Variants in PDE4D observed in about 807,000 individuals in gnomAD.
The protein encoded by PDE4D is 3',5'-cyclic-AMP phosphodiesterase 4D.
Under a neutral mutation model 87.4 loss-of-function variants are expected in PDE4D, and 24 were observed. That is an observed-to-expected ratio of 0.27 (90% CI 0.20 to 0.39). The LOEUF is 0.39. PDE4D is among the 10% of genes least tolerant of loss of function. The pLI, the probability that PDE4D is intolerant of heterozygous loss-of-function variation, is 1.00. For missense variants in PDE4D, 714 were observed against 1,041.0 expected (o/e 0.69, Z 4.32); for synonymous variants, 384 against 383.2 (o/e 1.00, Z -0.02).
At chr5:59,330,958 A>T (rs1776621419) in intron 1 of PDE4D, among the ~76,000 whole-genome samples, 1 of 151,830 alleles carries the variant, frequency 6.6e-6, no homozygotes, top group South Asian at 2.1e-4. Flanking sequence ...CCTCAACCAC[A>T]CTCATCATTT....
At chr5:59,861,665 T>C (rs924106358) in intron 1 of PDE4D, among the ~76,000 whole-genome samples, 1 of 152,218 alleles carries the variant, frequency 6.6e-6, no homozygotes, top group African/African-American at 2.4e-5. Flanking sequence ...CCAGCTCTCA[T>C]CTCACAGTGT....
At chr5:59,034,592 G>C (rs938627979) in intron 6 of PDE4D, among the ~76,000 whole-genome samples, 1 of 152,148 alleles carries the variant, frequency 6.6e-6, no homozygotes, top group African/African-American at 2.4e-5. Flanking sequence ...GCAGTAGGGG[G>C]AGCAGCCAGA....
At chr5:59,797,949 G>A in intron 1 of PDE4D, among the ~76,000 whole-genome samples, 1 of 152,130 alleles carries the variant, frequency 6.6e-6, no homozygotes, top group East Asian at 1.9e-4. Flanking sequence ...AATAGGAGCA[G>A]AAGGCTGGGG....
intron 1 of PDE4D, among the ~76,000 whole-genome samples, chr5:59,450,901 CT>C (rs1799056607): frequency 6.6e-6 from 1 of 152,172 alleles, no homozygotes; most frequent in South Asian, 2.1e-4. Context: ...TTTACCAAAT[CT>C]TTTCCATAAG....
intron 1 of PDE4D, among the ~76,000 whole-genome samples, chr5:59,820,119 A>G (rs1176135552): frequency 6.6e-6 from 1 of 152,220 alleles, no homozygotes; most frequent in Non-Finnish European, 1.5e-5. Context: ...GGCTTTATGA[A>G]CAATCAACCA....
intron 3 of PDE4D, among the ~76,000 whole-genome samples, chr5:59,900,121 C>A (rs1048334110): frequency 6.6e-6 from 1 of 151,744 alleles, no homozygotes. Context: ...ACAACTGTAA[C>A]CCCAGCCTCT....
chr5:59,945,795 C>G (rs1757671157), intron 3 of PDE4D, among the ~76,000 whole-genome samples: 2 of 152,176 alleles, frequency 1.3e-5, no homozygotes, highest in Admixed American at 1.3e-4. Flanking sequence ...AATTTTGAGT[C>G]TCTGGACAGA....
intron 5 of PDE4D, among the ~76,000 whole-genome samples, chr5:59,102,889 G>A (rs1400280863): frequency 1.3e-5 from 2 of 152,120 alleles, no homozygotes; most frequent in African/African-American, 4.8e-5. Flanking sequence ...CTGGGGAGGG[G>A]GAGCATAACA....
intron 1 of PDE4D, among the ~76,000 whole-genome samples, chr5:59,638,243 G>A (rs938434672): frequency 3.3e-5 from 5 of 151,378 alleles, no homozygotes; most frequent in Admixed American, 3.3e-4. Context: ...AAAAAACAAA[G>A]AAACTCCTAA....
chr5:59,127,184 G>A (rs1358724398), intron 5 of PDE4D, among the ~76,000 whole-genome samples: 1 of 152,192 alleles, frequency 6.6e-6, no homozygotes, highest in East Asian at 1.9e-4. Flanking sequence ...CCACAGTAAT[G>A]TGCGTGTGTG....
intron 1 of PDE4D, among the ~76,000 whole-genome samples, chr5:60,225,579 A>G (rs920473933): frequency 6.6e-6 from 1 of 152,086 alleles, no homozygotes; most frequent in Non-Finnish European, 1.5e-5. Flanking sequence ...AGACTGTGAG[A>G]TGATTAAATC....
At chr5:59,269,763 G>A (rs1161123496) in intron 1 of PDE4D, among the ~76,000 whole-genome samples, 2 of 151,630 alleles carry the variant, frequency 1.3e-5, no homozygotes, top group Non-Finnish European at 2.9e-5. Flanking sequence ...ACATATCTAT[G>A]TTTTTAAAAA....
intron 1 of PDE4D, among the ~76,000 whole-genome samples, chr5:59,458,569 A>G (rs1270026052): frequency 7.2e-5 from 11 of 152,172 alleles, no homozygotes; most frequent in African/African-American, 2.7e-4. Context: ...TACACCTTCT[A>G]TCGTTGTTGA....
intron 1 of PDE4D, among the ~76,000 whole-genome samples, chr5:59,495,677 T>C (rs1247289988): frequency 1.3e-5 from 2 of 152,172 alleles, no homozygotes; most frequent in Admixed American, 6.5e-5. Context: ...TGGCAAGACA[T>C]GCAGCTAGGG....
intron 2 of PDE4D, among the ~76,000 whole-genome samples, chr5:60,004,474 CTTT>C (rs1207629883): frequency 1.3e-5 from 2 of 151,998 alleles, no homozygotes; most frequent in African/African-American, 2.4e-5. Context: ...TACTATATTA[CTTT>C]TTAATTATTT....
intron 1 of PDE4D, among the ~76,000 whole-genome samples, chr5:59,344,591 G>A (rs1038351061): frequency 1.3e-5 from 2 of 151,974 alleles, no homozygotes; most frequent in Non-Finnish European, 2.9e-5. Flanking sequence ...TAGAAATGGG[G>A]TCTCACTCTG....
At chr5:59,712,211 A>T (rs1275341706) in intron 1 of PDE4D, among the ~76,000 whole-genome samples, 2 of 151,702 alleles carry the variant, frequency 1.3e-5, no homozygotes, top group Middle Eastern at 3.2e-3. Context: ...AAAGAATTAT[A>T]ATCTTCAGCT....
At chr5:60,242,032 T>G (rs1747187537) in intron 1 of PDE4D, among the ~76,000 whole-genome samples, 2 of 152,072 alleles carry the variant, frequency 1.3e-5, no homozygotes, top group Admixed American at 1.3e-4. Flanking sequence ...GAAAAAACTT[T>G]TACCCTAGAA....
intron 2 of PDE4D, among the ~76,000 whole-genome samples, chr5:60,090,472 T>C (rs796384649): frequency 2.6e-5 from 4 of 152,266 alleles, no homozygotes; most frequent in South Asian, 4.1e-4. Context: ...TTGATAAAAT[T>C]TGACATTCCT....
Sources: allele counts gnomAD v4.1 joint callset (sites outside exome capture counted in the v4.1 genomes callset), GRCh38; gene constraint gnomAD v4.1.1; transcripts MANE v1.5; gene names NCBI Gene and HGNC (gene_info 2026-07-23, HGNC 2026-07-21).